ERN1: variants seen among roughly 807,000 people sequenced by gnomAD.
The protein encoded by ERN1 is serine/threonine-protein kinase/endoribonuclease IRE1.
In ERN1, 39 loss-of-function variants were observed where a neutral mutation model predicts 113.1. The ratio of observed to expected loss-of-function variants is 0.34; its 90% CI spans 0.27 to 0.45. ERN1 has a LOEUF of 0.45. Among genes scored for constraint, ERN1 ranks in the 20% least tolerant of loss-of-function variants. The pLI is 1.00. For synonymous variants in ERN1, 507 were observed against 515.9 expected (o/e 0.98, Z 0.23); for missense variants, 976 against 1,274.8 (o/e 0.77, Z 3.57).
chr17:64,058,480 C>T (rs1315705952), intron 11 of ERN1, among the ~76,000 whole-genome samples: 1 of 152,196 alleles, frequency 6.6e-6, no homozygotes, highest in African/African-American at 2.4e-5. Flanking sequence ...TGCCTGTAAA[C>T]TGTCAGTGCA....
chr17:64,114,698 T>C (rs775884948), intron 1 of ERN1, among the ~76,000 whole-genome samples: 14 of 151,810 alleles, frequency 9.2e-5, no homozygotes, highest in Admixed American at 2.0e-4. Context: ...TTCACATCGT[T>C]GTAAAGCCAC....
At chr17:64,080,885 G>T in intron 2 of ERN1, 77 bp from the exon 3 acceptor site, 1 of 1,459,002 alleles carries the variant, frequency 6.9e-7, no homozygotes, top group South Asian at 1.2e-5. Context: ...CCAGGACCAG[G>T]CCAAGTTGTA....
chr17:64,128,758 TAA>T (rs1204406322), intron 1 of ERN1: 2 of 152,006 alleles, frequency 1.3e-5, no homozygotes, highest in East Asian at 1.9e-4. Context: ...AGTTCTATTA[TAA>T]AGAGTCTACA....
chr17:64,096,959 T>C (rs1914247380), intron 2 of ERN1, among the ~76,000 whole-genome samples: 1 of 152,250 alleles, frequency 6.6e-6, no homozygotes, highest in Admixed American at 6.5e-5. Flanking sequence ...AATTCTTGTG[T>C]GATTTGTTGA....
chr17:64,079,312 G>C (rs1207059574), intron 4 of ERN1, among the ~76,000 whole-genome samples: 1 of 152,166 alleles, frequency 6.6e-6, no homozygotes, highest in Non-Finnish European at 1.5e-5. Flanking sequence ...CGGAAGGTGG[G>C]GCAGGTGGAG....
At chr17:64,077,749 CTT>C (rs368774351) in intron 4 of ERN1, among the ~76,000 whole-genome samples, 22 of 144,138 alleles carry the variant, frequency 1.5e-4, no homozygotes, top group East Asian at 2.0e-4. Context: ...TGCATTTCTT[CTT>C]TTTTTTTTTT....
intron 1 of ERN1, among the ~76,000 whole-genome samples, chr17:64,108,879 T>C (rs148737880): frequency 5.5e-4 from 83 of 152,276 alleles, no homozygotes; most frequent in African/African-American, 1.8e-3. Context: ...TCCCAGCACT[T>C]TGGGAGGCCA....
intron 6 of ERN1, among the ~76,000 whole-genome samples, chr17:64,069,735 G>A (rs1168525245): frequency 5.3e-5 from 8 of 152,296 alleles, no homozygotes; most frequent in Admixed American, 2.6e-4. Context: ...ATGGGAAGGG[G>A]AGAAAGACCC....
At chr17:64,097,433 GATTT>G (rs1914260884) in intron 2 of ERN1, among the ~76,000 whole-genome samples, 1 of 152,188 alleles carries the variant, frequency 6.6e-6, no homozygotes, top group South Asian at 2.1e-4. Flanking sequence ...GGCCAAATGA[GATTT>G]ATTACTAGAC....
intron 7 of ERN1, 57 bp from the exon 8 acceptor site, chr17:64,066,989 C>T: frequency 6.4e-7 from 1 of 1,574,406 alleles, no homozygotes; most frequent in Non-Finnish European, 8.7e-7. Flanking sequence ...GCAACCACAT[C>T]CTCTACTCTT....
At chr17:64,110,795 G>A (rs967662673) in intron 1 of ERN1, among the ~76,000 whole-genome samples, 2 of 152,288 alleles carry the variant, frequency 1.3e-5, no homozygotes, top group African/African-American at 2.4e-5. Context: ...TCTGAGAAGC[G>A]ATCTTTATGC....
In ERN1 at chr17:64,044,264, A is replaced by AC. The variant is rs1912439011; in HGVS notation, c.2722-65_2722-64insG. ...TTAGAAAGCTCGGGAAATGTTGGCAAAACACCCTTTCATCATGCAAGGAAG... is the reference window on the plus strand; with the variant it reads ...TTAGAAAGCTCGGGAAATGTTGGCAACAACACCCTTTCATCATGCAAGGAAG... On this transcript the variant is annotated intron_variant, in intron 21 of 21. Transcript: ENST00000433197. This position sits in a 1 kb window ranked among gnomAD's most constrained non-coding sequence, Gnocchi z 4.1. 3 of 1,180,280 alleles carry AC rather than the reference A, an allele frequency of 2.5e-6. No individual in the cohort carries two copies. The Admixed American group carries it at 8.7e-5, about 34-fold the overall frequency. 73.1% of individuals were successfully genotyped at this position (1,180,280 alleles called of 1,614,324 possible).
Position 64,068,229 on chromosome 17 carries a change from C to T in ERN1, c.541G>A (p.Asp181Asn), listed in dbSNP as rs1398738354. The T allele has an allele frequency of 1.2e-6, 2 of 1,612,376 alleles. No homozygotes were observed. Among genetic ancestry groups the T allele is most frequent in the Non-Finnish European group, 1.7e-6 (2 of 1,179,358 alleles). The change falls in exon 7 of 22, where the codon GAC (aspartate) becomes AAC (asparagine). Residue 181 changes from aspartate (D) to asparagine (N), a missense_variant. By Grantham distance (23) the Asp-to-Asn change is conservative. Around this residue, in one of 5 missense-constraint regions of ERN1, gnomAD observed 459 missense variants for 581.2 expected, o/e 0.79. Transcript: ENST00000433197. ...TCCTCAGGCAGTGAGGCCGCATAGT[C>T]AAAGTAGGTGGCATTCCACCGGAGC... The part of the protein sequence containing the change: ...RELRWNATYF[D>N]YAASLPEDDV...
chr17:64,093,957 A>T (rs1324904465), intron 2 of ERN1, among the ~76,000 whole-genome samples: 1 of 152,208 alleles, frequency 6.6e-6, no homozygotes, highest in Admixed American at 6.5e-5. Context: ...CACAGAGACT[A>T]GCGGACTTTA....
chr17:64,058,697 T>C (rs901851254), intron 11 of ERN1, among the ~76,000 whole-genome samples: 3 of 152,180 alleles, frequency 2.0e-5, no homozygotes, highest in African/African-American at 4.8e-5. Flanking sequence ...TCTAGTATTC[T>C]AGGTATGCCG....
At chr17:64,081,192 C>T (rs909037520) in intron 2 of ERN1, among the ~76,000 whole-genome samples, 6 of 152,186 alleles carry the variant, frequency 3.9e-5, no homozygotes, top group Non-Finnish European at 7.3e-5. Flanking sequence ...AAACCTTAAT[C>T]ATTACCTTGT....
chr17:64,119,376 G>GTTTTTT (rs3044073), intron 1 of ERN1, among the ~76,000 whole-genome samples: 32 of 77,904 alleles, frequency 4.1e-4, no homozygotes, highest in African/African-American at 1.0e-3. Context: ...TTTTTTCTAG[G>GTTTTTT]TTTTTTTTTT....
chr17:64,057,461 C>T (rs182909519), intron 12 of ERN1, among the ~76,000 whole-genome samples: 11 of 151,834 alleles, frequency 7.2e-5, no homozygotes, highest in African/African-American at 1.5e-4. Flanking sequence ...CTCCGCCTCA[C>T]GGGTTCACGC....
At position 64,040,475 on chromosome 17, in the gene ERN1, G is replaced by C. The variant is rs886449959; in HGVS notation, c.*3513C>G. The C allele has an allele frequency of 6.6e-6, 1 of 152,236 alleles. No individual in the cohort carries two copies. The highest frequency in any genetic ancestry group is 1.5e-5 in the Non-Finnish European group (1 of 68,064). The allele number at this position is 152,236 out of a possible 1,614,324, so 9.4% of individuals were successfully genotyped here. ...GTCCCCCCATCTGCATGAACGGTTT[G>C]ATCAGCAACCAATTAATCTCTCACT... On this transcript the variant is annotated 3_prime_UTR_variant, in exon 22 of 22. Coordinates refer to ENST00000433197, the MANE Select transcript of ERN1 (RefSeq NM_001433.5).
Sources: allele counts gnomAD v4.1 joint callset (sites outside exome capture counted in the v4.1 genomes callset), GRCh38; gene constraint gnomAD v4.1.1; regional missense constraint gnomAD v4.1.1; non-coding constraint Gnocchi (gnomAD v3.1); transcripts MANE v1.5; gene names NCBI Gene and HGNC (gene_info 2026-07-23, HGNC 2026-07-21).